The following FKBP5 variants were observed in gnomAD, a reference collection of about 807,000 sequenced individuals.
FKBP5 encodes the protein FKBP prolyl isomerase 5, also known as peptidyl-prolyl cis-trans isomerase FKBP5.
FKBP5 carries 23 observed loss-of-function variants against 50.5 expected under a neutral mutation model. The observed-to-expected ratio is 0.46, with a 90% confidence interval of 0.33 to 0.65. The LOEUF is 0.65. Among genes scored for constraint, FKBP5 ranks in the 30% least tolerant of loss-of-function variants. The pLI is 0.02. For missense variants in FKBP5, 411 were observed against 553.1 expected (o/e 0.74, Z 2.58); for synonymous variants, 176 against 190.6 (o/e 0.92, Z 0.63).
intron 1 of FKBP5, among the ~76,000 whole-genome samples, chr6:35,664,158 GTA>G (rs1765151331): frequency 6.6e-6 from 1 of 152,344 alleles, no homozygotes. Context: ...TGAATTCACA[GTA>G]TGTTCTTCTA....
At chr6:35,716,690 C>G (rs1766518305) in intron 2 of FKBP5, among the ~76,000 whole-genome samples, 1 of 152,148 alleles carries the variant, frequency 6.6e-6, no homozygotes, top group Non-Finnish European at 1.5e-5. Flanking sequence ...TCCTCCCTAC[C>G]CAACTCTTGA....
chr6:35,617,039 A>G (rs1329527290), intron 5 of FKBP5, among the ~76,000 whole-genome samples: 2 of 152,154 alleles, frequency 1.3e-5, no homozygotes, highest in African/African-American at 4.8e-5. Context: ...GGTGAAGTCT[A>G]GTTGAAGCCA....
chr6:35,625,218 G>C (rs529602336), intron 3 of FKBP5, among the ~76,000 whole-genome samples: 2 of 152,126 alleles, frequency 1.3e-5, no homozygotes, highest in Admixed American at 1.3e-4. Flanking sequence ...CAAGTAGCTG[G>C]GATTACAGGC....
At chr6:35,641,776 A>C (rs1465357133) in intron 2 of FKBP5, among the ~76,000 whole-genome samples, 1 of 152,074 alleles carries the variant, frequency 6.6e-6, no homozygotes, top group Admixed American at 6.6e-5. Flanking sequence ...AGGCCAAGGC[A>C]GGCGGATCAC....
Position 35,591,202 on chromosome 6 carries a change from T to C in FKBP5, c.684A>G (p.Ala228=). Residue 228 remains alanine, a synonymous_variant, in exon 7 of 11, where the codon GCA becomes GCG. Transcript: ENST00000357266. ...GTTCAATGCCAAATTTAGGCTTCCC[T>C]GCCTCTCCAAAACCATATCTGAAAT... ...YLGPRYGFGE[A]GKPKFGIEPN... The C allele has an allele frequency of 1.9e-6, 3 of 1,612,028 alleles. No individual in the cohort carries two copies. The highest frequency in any genetic ancestry group is 2.5e-6 in the Non-Finnish European group (3 of 1,178,648).
chr6:35,583,239 C>A (rs1194726250), intron 8 of FKBP5: 1 of 985,296 alleles, frequency 1.0e-6, no homozygotes, highest in African/African-American at 1.7e-5. Context: ...CTCCTCCTCC[C>A]TCTCTAATGC....
chr6:35,710,233 C>T (rs573746527), intron 2 of FKBP5, among the ~76,000 whole-genome samples: 13 of 152,238 alleles, frequency 8.5e-5, no homozygotes, highest in African/African-American at 2.9e-4. Flanking sequence ...AATCCCAGCT[C>T]TTTGGGAGGC....
At position 35,638,959 on chromosome 6, in the gene FKBP5, G is replaced by C. The variant is rs147617881; in HGVS notation, c.106-1801C>G. ...GGGATGAATGGCTACCAGAGAGTCAGAGAGCCATCCACACCAGCAAGTGGT... is the reference window on the plus strand; with the variant it reads ...GGGATGAATGGCTACCAGAGAGTCACAGAGCCATCCACACCAGCAAGTGGT... On this transcript the variant is annotated intron_variant, in intron 2 of 10. Transcript: ENST00000357266. 5.0e-3 allele frequency among the ~76,000 whole-genome samples: 754 copies of C among 152,170 alleles called. 16 individuals carry two copies. In the East Asian group the frequency reaches 0.058, roughly 12 times the overall value.
At chr6:35,623,959 C>T (rs1245946403) in intron 3 of FKBP5, among the ~76,000 whole-genome samples, 1 of 151,894 alleles carries the variant, frequency 6.6e-6, no homozygotes, top group African/African-American at 2.4e-5. Flanking sequence ...CTTCAGCTTT[C>T]CAGAGTGCTG....
At chr6:35,668,602 A>C (rs1765294130) in intron 1 of FKBP5, among the ~76,000 whole-genome samples, 1 of 152,144 alleles carries the variant, frequency 6.6e-6, no homozygotes, top group South Asian at 2.1e-4. Flanking sequence ...AATAGTTATA[A>C]GTCACCTCTT....
chr6:35,601,952 C>T (rs1440286957), intron 5 of FKBP5, among the ~76,000 whole-genome samples: 2 of 152,128 alleles, frequency 1.3e-5, no homozygotes, highest in African/African-American at 4.8e-5. Flanking sequence ...TCAAACCAAA[C>T]CAAATTACCC....
At chr6:35,627,951 T>TC (rs372103886) in intron 3 of FKBP5, among the ~76,000 whole-genome samples, 5 of 149,452 alleles carry the variant, frequency 3.3e-5, no homozygotes, top group Admixed American at 2.0e-4. Context: ...TTTTTTTTTT[T>TC]AGTAGAGACG....
At chr6:35,627,016 C>A (rs1764020919) in intron 3 of FKBP5, among the ~76,000 whole-genome samples, 1 of 152,150 alleles carries the variant, frequency 6.6e-6, no homozygotes, top group African/African-American at 2.4e-5. Context: ...GCTAGATCAA[C>A]ATGGTAACTC....
intron 7 of FKBP5, among the ~76,000 whole-genome samples, chr6:35,588,094 T>C (rs1255803366): frequency 6.6e-6 from 1 of 151,608 alleles, no homozygotes; most frequent in African/African-American, 2.4e-5. Flanking sequence ...GGTGTGATCT[T>C]GGCTCACCAC....
At chr6:35,598,061 C>A (rs1435502032) in intron 5 of FKBP5, among the ~76,000 whole-genome samples, 1 of 152,170 alleles carries the variant, frequency 6.6e-6, no homozygotes, top group Non-Finnish European at 1.5e-5. Flanking sequence ...TTAATAACCT[C>A]CCCTGAAATA....
chr6:35,626,928 G>A (rs1343624523), intron 3 of FKBP5, among the ~76,000 whole-genome samples: 2 of 152,158 alleles, frequency 1.3e-5, no homozygotes, highest in African/African-American at 4.8e-5. Context: ...TAATAATGCT[G>A]CTACAAACAT....
chr6:35,687,855 C>G (rs564740166), intron 1 of FKBP5, among the ~76,000 whole-genome samples: 1 of 152,308 alleles, frequency 6.6e-6, no homozygotes, highest in African/African-American at 2.4e-5. Context: ...CTGCAGAACC[C>G]GATTTTAGAG....
At chr6:35,664,266 T>G (rs1413070902) in intron 1 of FKBP5, among the ~76,000 whole-genome samples, 1 of 152,150 alleles carries the variant, frequency 6.6e-6, no homozygotes, top group Non-Finnish European at 1.5e-5. Context: ...GTATCTGGAC[T>G]TTTACCTATC....
At chr6:35,618,942 C>A (rs757210891) in intron 5 of FKBP5, among the ~76,000 whole-genome samples, 154 bp downstream of exon 5, 1 of 151,410 alleles carries the variant, frequency 6.6e-6, no homozygotes, top group South Asian at 2.1e-4. Context: ...GCAATCCACC[C>A]GCCTCGACCT....
Sources: allele counts gnomAD v4.1 joint callset (sites outside exome capture counted in the v4.1 genomes callset), GRCh38; gene constraint gnomAD v4.1.1; transcripts MANE v1.5; gene names NCBI Gene and HGNC (gene_info 2026-07-23, HGNC 2026-07-21).